UBLCP1: variants seen among roughly 807,000 people sequenced by gnomAD.
The protein encoded by UBLCP1 is ubiquitin like domain containing CTD phosphatase 1.
In UBLCP1, 28 loss-of-function variants were observed where a neutral mutation model predicts 42.4. The ratio of observed to expected loss-of-function variants is 0.66; its 90% CI spans 0.49 to 0.90. The LOEUF is 0.90. Ranked by LOEUF, UBLCP1 falls within the 40% of genes least tolerant of loss-of-function variation. The probability of loss-of-function intolerance (pLI) is 0.00; values close to 1 mark genes in which losing one functional copy is unlikely to be tolerated. For synonymous variants in UBLCP1, 122 were observed against 120.8 expected (o/e 1.01, Z -0.07); for missense variants, 279 against 374.5 (o/e 0.75, Z 2.10).
chr5:159,264,156 G>A (rs1239091293), intron 1 of UBLCP1, among the ~76,000 whole-genome samples: 1 of 152,182 alleles, frequency 6.6e-6, no homozygotes, highest in Non-Finnish European at 1.5e-5. Context: ...GAGGCCAAGA[G>A]GTGGATTGAC....
intron 9 of UBLCP1, among the ~76,000 whole-genome samples, chr5:159,282,899 A>G (rs1753624580): frequency 6.6e-6 from 1 of 152,100 alleles, no homozygotes; most frequent in Non-Finnish European, 1.5e-5. Context: ...AGAAGCAACT[A>G]GAATGATAGG....
At chr5:159,273,560 C>G (rs1753497228) in intron 6 of UBLCP1, among the ~76,000 whole-genome samples, 1 of 152,116 alleles carries the variant, frequency 6.6e-6, no homozygotes, top group South Asian at 2.1e-4. Flanking sequence ...GCAACTAGTA[C>G]TATGTCTGAC....
At chr5:159,274,513 T>A (rs1198228452) in intron 6 of UBLCP1, 72 bp from the exon 7 acceptor site, 3 of 1,375,154 alleles carry the variant, frequency 2.2e-6, no homozygotes, top group Non-Finnish European at 3.0e-6. Context: ...TTAGAAAACT[T>A]ACTTATACAG....
At chr5:159,279,991 A>T (rs1320274979) in intron 9 of UBLCP1, among the ~76,000 whole-genome samples, 1 of 152,172 alleles carries the variant, frequency 6.6e-6, no homozygotes, top group East Asian at 1.9e-4. Flanking sequence ...TTTGAGCTCC[A>T]TTCATCTCTT....
intron 10 of UBLCP1, among the ~76,000 whole-genome samples, chr5:159,284,032 C>A (rs903754377): frequency 4.6e-5 from 7 of 152,110 alleles, no homozygotes; most frequent in Non-Finnish European, 4.4e-5. Flanking sequence ...AGTAATACAG[C>A]ACCAAAAGAA....
At chr5:159,263,610 T>C (rs1753331631) in intron 1 of UBLCP1, among the ~76,000 whole-genome samples, 2 of 152,190 alleles carry the variant, frequency 1.3e-5, no homozygotes, top group Admixed American at 1.3e-4. Flanking sequence ...CCAAACTTCA[T>C]TCCTCCGTCT....
intron 8 of UBLCP1, among the ~76,000 whole-genome samples, chr5:159,275,996 G>A (rs908544545): frequency 6.6e-6 from 1 of 152,204 alleles, no homozygotes; most frequent in Non-Finnish European, 1.5e-5. Context: ...AGAGAAAAGG[G>A]TTTGGCTAAC....
intron 1 of UBLCP1, 64 bp from the exon 2 acceptor site, chr5:159,268,799 ATAAAACT>A (rs1753428032): frequency 8.4e-7 from 1 of 1,193,402 alleles, no homozygotes; most frequent in South Asian, 1.5e-5. Flanking sequence ...AACTGTACAC[ATAAAACT>A]TAAAAGTTTG....
In UBLCP1 at chr5:159,283,207, A is replaced by C; in HGVS notation, c.802-5A>C. On this transcript the variant is annotated splice_region_variant and splice_polypyrimidine_tract_variant and intron_variant, in intron 9 of 10. Transcript: ENST00000296786. Reference sequence around the variant, plus strand: ...ATGTGTTGAGTAATGTTTGTTTCCTAATAGATAAGGCCTTTTATGAAAGCG... The same window carrying C: ...ATGTGTTGAGTAATGTTTGTTTCCTCATAGATAAGGCCTTTTATGAAAGCG... The C allele has an allele frequency of 6.2e-7, 1 of 1,600,190 alleles. No homozygotes were observed. The highest frequency in any genetic ancestry group is 8.5e-7 in the Non-Finnish European group (1 of 1,175,498).
At chr5:159,279,705 C>T (rs13153734) in intron 9 of UBLCP1, among the ~76,000 whole-genome samples, 23,182 of 152,062 alleles carry the variant, frequency 0.15, 2,012 homozygotes, top group Non-Finnish European at 0.19. Context: ...TTATGTTGTC[C>T]TTAATGGTTT....
chr5:159,279,905 C>T (rs1400071494), intron 9 of UBLCP1, among the ~76,000 whole-genome samples: 3 of 140,132 alleles, frequency 2.1e-5, no homozygotes, highest in East Asian at 2.3e-4. Flanking sequence ...TTGGAGGAGA[C>T]GTTTAACTTT....
At chr5:159,263,869 A>G (rs760881711) in intron 1 of UBLCP1, among the ~76,000 whole-genome samples, 5 of 152,120 alleles carry the variant, frequency 3.3e-5, no homozygotes, top group Non-Finnish European at 5.9e-5. Flanking sequence ...TTTTACTGCT[A>G]TACTTTAAAA....
At chr5:159,269,551 G>A (rs958793160) in intron 2 of UBLCP1, among the ~76,000 whole-genome samples, 3 of 152,164 alleles carry the variant, frequency 2.0e-5, no homozygotes, top group African/African-American at 7.2e-5. Context: ...TGAGTTTTGA[G>A]TAACAGTAAA....
chr5:159,279,473 C>T (rs1293823608), intron 9 of UBLCP1, among the ~76,000 whole-genome samples: 2 of 152,236 alleles, frequency 1.3e-5, no homozygotes, highest in African/African-American at 4.8e-5. Context: ...GCAGTCCTGA[C>T]ACTGAGATGT....
At chr5:159,279,784 T>C (rs1753585477) in intron 9 of UBLCP1, among the ~76,000 whole-genome samples, 1 of 152,206 alleles carries the variant, frequency 6.6e-6, no homozygotes. Flanking sequence ...CAAAAATGTA[T>C]TCTTGAGTCT....
Position 159,275,252 on chromosome 5 carries a change from A to C in UBLCP1, c.684+6A>C, listed in dbSNP as rs1462829894. The C allele has an allele frequency of 6.2e-7, 1 of 1,604,510 alleles. No individual in the cohort carries two copies. Among genetic ancestry groups the C allele is most frequent in the South Asian group, 1.1e-5 (1 of 90,836 alleles). On this transcript the variant is annotated splice_donor_region_variant and intron_variant, in intron 8 of 10. Transcript: ENST00000296786. ...CAAGGAGAGGATTAATAGACGTAAGAAGTCATTTTATTTCTATTTAATGAC... is the reference window on the plus strand; with the variant it reads ...CAAGGAGAGGATTAATAGACGTAAGCAGTCATTTTATTTCTATTTAATGAC...
At chr5:159,271,297 A>AAT (rs1461722225) in intron 5 of UBLCP1, among the ~76,000 whole-genome samples, 4 of 151,732 alleles carry the variant, frequency 2.6e-5, no homozygotes, top group Admixed American at 6.6e-5. Context: ...CTCATCTCTA[A>AAT]TAAAAACTAA....
chr5:159,278,204 A>G, intron 8 of UBLCP1, 34 bp from the exon 9 acceptor site: 1 of 1,440,638 alleles, frequency 6.9e-7, no homozygotes, highest in Non-Finnish European at 9.8e-7. Flanking sequence ...AAATATTGAT[A>G]AAATTTGAGT....
chr5:159,268,941 G>A lies in UBLCP1; in HGVS notation c.26G>A (p.Trp9Ter). The change falls in exon 2 of 11, where the codon TGG becomes TAG. Residue 9 changes from tryptophan to a stop codon, truncating the protein, a stop_gained. Transcript: ENST00000296786. LOFTEE classifies it high-confidence loss of function. MALPIIVK[W>*]GGQEYSVTTL... is the part of the protein sequence containing the mutation. ...ATGGCTCTCCCTATCATTGTAAAAT[G>A]GGGTGGACAGGAGTATTCAGTGACC... 1 of 1,609,424 alleles carries A rather than the reference G, an allele frequency of 6.2e-7. No individual in the cohort carries two copies. The highest frequency in any genetic ancestry group is 8.5e-7 in the Non-Finnish European group (1 of 1,178,440).
Sources: allele counts gnomAD v4.1 joint callset (sites outside exome capture counted in the v4.1 genomes callset), GRCh38; gene constraint gnomAD v4.1.1; transcripts MANE v1.5; gene names NCBI Gene and HGNC (gene_info 2026-07-23, HGNC 2026-07-21).